Variants in FSIP1 observed in about 807,000 individuals in gnomAD.
The protein encoded by FSIP1 is fibrous sheath interacting protein 1, also known as fibrous sheath-interacting protein 1.
FSIP1 carries 65 observed loss-of-function variants against 60.9 expected under a neutral mutation model. The ratio of observed to expected loss-of-function variants is 1.07; its 90% CI spans 0.87 to 1.31. The LOEUF is 1.31. Ranked by LOEUF, FSIP1 falls within the 40% of genes most tolerant of loss-of-function variation. The probability of loss-of-function intolerance (pLI) is 0.00; values close to 1 mark genes in which losing one functional copy is unlikely to be tolerated. For missense variants in FSIP1, 675 were observed against 665.5 expected, an observed-to-expected ratio of 1.01 and a Z score of -0.16; for synonymous variants, 209 against 221.2, an observed-to-expected ratio of 0.94 and a Z score of 0.49.
At chr15:39,776,561 A>G in intron 1 of FSIP1, 30 bp from the exon 2 acceptor site, 1 of 1,525,290 alleles carries the variant, frequency 6.6e-7, no homozygotes, top group Non-Finnish European at 9.0e-7. Flanking sequence ...ATTTAATACC[A>G]AGCGACTCGG....
At chr15:39,691,967 G>C (rs1322843479) in intron 10 of FSIP1, among the ~76,000 whole-genome samples, 1 of 152,140 alleles carries the variant, frequency 6.6e-6, no homozygotes, top group Non-Finnish European at 1.5e-5. Flanking sequence ...ACAATTTCCT[G>C]TTTTGTGCTG....
intron 5 of FSIP1, among the ~76,000 whole-genome samples, chr15:39,743,479 T>C (rs60676466): frequency 0.11 from 17,367 of 152,106 alleles, 1,471 homozygotes; most frequent in East Asian, 0.25. Context: ...CTTTAGAAAA[T>C]TCTTCCTTCT....
intron 3 of FSIP1, 91 bp downstream of exon 3, chr15:39,770,336 C>T (rs1368918021): frequency 2.2e-6 from 2 of 921,116 alleles, no homozygotes; most frequent in Admixed American, 2.9e-5. Context: ...TTGATAAAAA[C>T]ACAGGTAATA....
At chr15:39,721,029 C>CT (rs1166915019) in intron 9 of FSIP1, among the ~76,000 whole-genome samples, 1 of 152,166 alleles carries the variant, frequency 6.6e-6, no homozygotes, top group Admixed American at 6.5e-5. Context: ...CCAAATGCTG[C>CT]TTTTAAAACA....
intron 10 of FSIP1, among the ~76,000 whole-genome samples, chr15:39,692,752 A>AAAAG (rs369928480): frequency 4.5e-4 from 68 of 152,152 alleles, no homozygotes; most frequent in East Asian, 2.9e-3. Flanking sequence ...GTTTAAAAAA[A>AAAAG]AAAGAAAGAA....
At chr15:39,762,730 G>A (rs934772884) in intron 5 of FSIP1, among the ~76,000 whole-genome samples, 2 of 152,152 alleles carry the variant, frequency 1.3e-5, no homozygotes, top group Non-Finnish European at 2.9e-5. Flanking sequence ...GCCTGGAAAT[G>A]GCATAGTATC....
chr15:39,701,236 A>C (rs1293974515), intron 10 of FSIP1, among the ~76,000 whole-genome samples: 1 of 152,208 alleles, frequency 6.6e-6, no homozygotes, highest in Non-Finnish European at 1.5e-5. Context: ...TCAATGTAAA[A>C]AGTTGGGGTG....
intron 9 of FSIP1, among the ~76,000 whole-genome samples, chr15:39,715,737 T>C (rs1895714251): frequency 6.6e-6 from 1 of 152,050 alleles, no homozygotes; most frequent in South Asian, 2.1e-4. Context: ...TGGGAGGTGA[T>C]TGGGTCATGG....
At chr15:39,648,943 G>GT (rs561208113) in intron 10 of FSIP1, among the ~76,000 whole-genome samples, 231 of 145,354 alleles carry the variant, frequency 1.6e-3, no homozygotes, top group Middle Eastern at 7.2e-3. Flanking sequence ...CTTGTGCAAA[G>GT]TTTTTTTTTT....
chr15:39,771,022 A>G, intron 2 of FSIP1, among the ~76,000 whole-genome samples: 1 of 152,258 alleles, frequency 6.6e-6, no homozygotes, highest in South Asian at 2.1e-4. Context: ...TGTGCTTTCT[A>G]GGGAGAGTCT....
chr15:39,614,661 A>AAAG (rs1566852087), intron 11 of FSIP1, among the ~76,000 whole-genome samples: 1 of 150,234 alleles, frequency 6.7e-6, no homozygotes, highest in Non-Finnish European at 1.5e-5. Context: ...AAAAAAAAAA[A>AAAG]AAGAAGATGT....
At chr15:39,705,138 T>TAA (rs1038085170) in intron 10 of FSIP1, among the ~76,000 whole-genome samples, 10 of 152,298 alleles carry the variant, frequency 6.6e-5, no homozygotes, top group African/African-American at 2.4e-4. Context: ...ACAATACTAA[T>TAA]AAAACATCTT....
intron 1 of FSIP1, among the ~76,000 whole-genome samples, chr15:39,778,805 G>A (rs1376781219): frequency 2.6e-5 from 4 of 151,684 alleles, no homozygotes; most frequent in Non-Finnish European, 1.5e-5. Context: ...CCAAACAACA[G>A]TTAAACATAA....
At chr15:39,662,719 G>T (rs1893348915) in intron 10 of FSIP1, among the ~76,000 whole-genome samples, 7 of 147,378 alleles carry the variant, frequency 4.7e-5, no homozygotes, top group Admixed American at 6.8e-5. Flanking sequence ...CTAAGTCACT[G>T]AAAAAAAAAA....
At chr15:39,707,108 C>G (rs928650311) in intron 10 of FSIP1, among the ~76,000 whole-genome samples, 10 of 152,028 alleles carry the variant, frequency 6.6e-5, no homozygotes, top group African/African-American at 2.4e-4. Context: ...TTCCTCTGCC[C>G]CCTTGATCTT....
Position 39,762,541 on chromosome 15 carries a change from T to C in FSIP1, c.559+1280A>G, listed in dbSNP as rs565242899. On this transcript the variant is annotated intron_variant, in intron 5 of 11. Transcript: ENST00000350221. The stretch of plus-strand genomic sequence containing the variant: ...GAATTTGAGAGAGACATTACCAAAA[T>C]CACTGTAGCCAGGAACTGGCCACCA... Among the ~76,000 whole-genome samples the C allele has an allele frequency of 2.6e-5, 4 of 152,326 alleles. No homozygotes were observed. The South Asian group carries it at 8.3e-4, about 32-fold the overall frequency.
At chr15:39,728,878 G>C (rs1303147126) in intron 8 of FSIP1, among the ~76,000 whole-genome samples, 1 of 152,100 alleles carries the variant, frequency 6.6e-6, no homozygotes, top group Non-Finnish European at 1.5e-5. Flanking sequence ...CTAATATCCA[G>C]AATCTATAAG....
chr15:39,600,014 T>C (rs1299234386), downstream of FSIP1: 3 of 152,248 alleles, frequency 2.0e-5, no homozygotes, highest in Non-Finnish European at 4.4e-5. Flanking sequence ...GATGAACATG[T>C]GCCAGCAAAA....
chr15:39,709,466 A>G (rs896304392), intron 10 of FSIP1, among the ~76,000 whole-genome samples: 1 of 152,266 alleles, frequency 6.6e-6, no homozygotes, highest in Non-Finnish European at 1.5e-5. Context: ...TAATCCAATT[A>G]ATAACAAATA....
Sources: gnomAD v4.1 joint callset for allele counts (sites outside exome capture counted in the v4.1 genomes callset) on GRCh38, gnomAD v4.1.1 for gene constraint, MANE v1.5 for transcripts, NCBI Gene and HGNC (gene_info 2026-07-23, HGNC 2026-07-21) for gene names.